TADA1: variants seen among roughly 807,000 people sequenced by gnomAD.
TADA1 encodes transcriptional adaptor 1, also known as transcriptional adapter 1.
A neutral mutation model predicts 39.3 loss-of-function variants in TADA1; 23 were observed. The ratio of observed to expected loss-of-function variants is 0.58; its 90% CI spans 0.42 to 0.83. The LOEUF (loss-of-function observed/expected upper bound fraction) is 0.83, where lower values mean the gene tolerates loss of function less well. Among genes scored for constraint, TADA1 ranks in the 40% least tolerant of loss-of-function variants. The pLI, the probability that TADA1 is intolerant of heterozygous loss-of-function variation, is 0.00. For synonymous variants in TADA1, 137 were observed against 151.8 expected (o/e 0.90, Z 0.72); for missense variants, 352 against 408.1 (o/e 0.86, Z 1.18).
chr1:166,869,942 T>A, intron 1 of TADA1, 88 bp from the exon 2 acceptor site: 1 of 1,121,206 alleles, frequency 8.9e-7, no homozygotes, highest in Non-Finnish European at 1.3e-6. Flanking sequence ...GAGACGGGGT[T>A]TTTTATTCTG....
chr1:166,874,900 T>C (rs939437971), intron 1 of TADA1, among the ~76,000 whole-genome samples: 1 of 152,268 alleles, frequency 6.6e-6, no homozygotes, highest in Non-Finnish European at 1.5e-5. Flanking sequence ...TCCATTATTA[T>C]CTTGTTAGGA....
intron 2 of TADA1, 24 bp from the exon 3 acceptor site, chr1:166,869,534 A>G (rs765231652): frequency 1.1e-5 from 17 of 1,609,824 alleles, no homozygotes; most frequent in Non-Finnish European, 1.4e-5. Flanking sequence ...GATAGTGACA[A>G]TCAAATTCAA....
At chr1:166,869,987 C>T (rs1658622782) in intron 1 of TADA1, 133 bp from the exon 2 acceptor site, 2 of 683,088 alleles carry the variant, frequency 2.9e-6, no homozygotes, top group Non-Finnish European at 5.0e-6. Flanking sequence ...ACAATCAGAG[C>T]TCTGAACTTC....
intron 3 of TADA1, among the ~76,000 whole-genome samples, chr1:166,866,959 G>A (rs935574339): frequency 6.6e-6 from 1 of 152,062 alleles, no homozygotes; most frequent in African/African-American, 2.4e-5. Flanking sequence ...TGGCCAGGCT[G>A]GTCTTGAACT....
chr1:166,858,441 TA>T (rs966093943), intron 6 of TADA1, among the ~76,000 whole-genome samples, 160 bp from the exon 7 acceptor site: 21 of 152,358 alleles, frequency 1.4e-4, no homozygotes, highest in Middle Eastern at 6.8e-3. Context: ...TTTTAATTTT[TA>T]AAGGCTGGAA....
At chr1:166,869,952 G>A in intron 1 of TADA1, 98 bp from the exon 2 acceptor site, 1 of 1,009,434 alleles carries the variant, frequency 9.9e-7, no homozygotes, top group Non-Finnish European at 1.5e-6. Flanking sequence ...TTTTTATTCT[G>A]TCACTCAGGC....
At chr1:166,868,306 C>T (rs1658578998) in intron 3 of TADA1, among the ~76,000 whole-genome samples, 1 of 152,192 alleles carries the variant, frequency 6.6e-6, no homozygotes, top group African/African-American at 2.4e-5. Flanking sequence ...GCTACTATCC[C>T]CTACCTCTTG....
chr1:166,861,884 AT>A (rs1298340336), intron 5 of TADA1, among the ~76,000 whole-genome samples: 1 of 151,922 alleles, frequency 6.6e-6, no homozygotes, highest in Non-Finnish European at 1.5e-5. Context: ...AGAGACCCCC[AT>A]CCCTAAAAAA....
intron 3 of TADA1, among the ~76,000 whole-genome samples, chr1:166,865,819 C>CA (rs943466929): frequency 2.7e-4 from 32 of 120,580 alleles, no homozygotes; most frequent in Admixed American, 1.4e-3. Flanking sequence ...ACTCCGCCTC[C>CA]AAAAAAAAAA....
intron 3 of TADA1, among the ~76,000 whole-genome samples, chr1:166,868,218 T>C (rs962417652): frequency 2.6e-5 from 4 of 152,192 alleles, no homozygotes; most frequent in Non-Finnish European, 5.9e-5. Flanking sequence ...AATAAGATGG[T>C]TGAGAGAGGT....
intron 1 of TADA1, among the ~76,000 whole-genome samples, chr1:166,871,998 A>G (rs147632580): frequency 2.0e-5 from 3 of 152,284 alleles, no homozygotes; most frequent in African/African-American, 4.8e-5. Flanking sequence ...AACGCAAACT[A>G]TTTTCTCCAG....
At position 166,862,284 on chromosome 1, in the gene TADA1, C is replaced by T. The variant is rs372740214; in HGVS notation, c.459G>A (p.Gly153=). 6.2e-7 allele frequency: 1 copy of T among 1,614,142 alleles called. No individual in the cohort carries two copies. The highest frequency in any genetic ancestry group is 1.3e-5 in the African/African-American group (1 of 75,042). The change falls in exon 5 of 8, where the codon GGG becomes GGA. Residue 153 remains glycine (G), a synonymous_variant. Transcript: ENST00000367874. ...GCTCATAAGCAGTCACTATCATTCTCCCTTCAAGCTGGCCTCGAGTGGGAA... is the reference window on the plus strand; with the variant it reads ...GCTCATAAGCAGTCACTATCATTCTTCCTTCAAGCTGGCCTCGAGTGGGAA... ...MMLPTRGQLE[G]RMIVTAYEHG...
intron 5 of TADA1, among the ~76,000 whole-genome samples, chr1:166,860,842 T>C (rs1239820487): frequency 1.3e-5 from 2 of 152,138 alleles, no homozygotes; most frequent in Non-Finnish European, 2.9e-5. Flanking sequence ...GCTAATTTTT[T>C]ATTTTTAGTA....
chr1:166,859,964 C>T (rs1392287602), intron 6 of TADA1, among the ~76,000 whole-genome samples: 6 of 152,154 alleles, frequency 3.9e-5, no homozygotes, highest in African/African-American at 1.2e-4. Context: ...ACATTAAACC[C>T]GCATGCAGAA....
intron 1 of TADA1, among the ~76,000 whole-genome samples, chr1:166,875,477 G>A (rs1167721850): frequency 6.6e-6 from 1 of 152,150 alleles, no homozygotes; most frequent in Non-Finnish European, 1.5e-5. Context: ...CTTTTGAAGA[G>A]TTACTTGTCC....
Position 166,860,246 on chromosome 1 carries a change from T to A in TADA1, c.632A>T (p.Asn211Ile). ...DGHFKYAFGS[N>I]VTPQPYLKNS... ...CTTCAGGTATGGCTGCGGGGTCACG[T>A]TACTGCCAAAGGCATATTTAAAATG... Residue 211 changes from asparagine to isoleucine, a missense_variant, in exon 6 of 8, where the codon AAC (asparagine) becomes ATC (isoleucine). By Grantham distance (149) the Asn-to-Ile change is moderately radical (BLOSUM62 -3). Coordinates refer to ENST00000367874, the MANE Select transcript of TADA1 (RefSeq NM_053053.4). 1.2e-6 allele frequency: 2 copies of A among 1,614,142 alleles called. No homozygotes were observed. The highest frequency in any genetic ancestry group is 1.7e-6 in the Non-Finnish European group (2 of 1,180,002).
intron 3 of TADA1, 65 bp downstream of exon 3, chr1:166,869,380 T>C: frequency 2.9e-6 from 4 of 1,376,958 alleles, no homozygotes; most frequent in Non-Finnish European, 4.1e-6. Flanking sequence ...CTGTGTCTAT[T>C]AGAGAAAGCT....
intron 6 of TADA1, among the ~76,000 whole-genome samples, 159 bp from the exon 7 acceptor site, chr1:166,858,440 T>A (rs1658333736): frequency 6.6e-6 from 1 of 152,234 alleles, no homozygotes; most frequent in African/African-American, 2.4e-5. Context: ...ATTTTAATTT[T>A]TAAAGGCTGG....
At chr1:166,862,797 G>A in intron 4 of TADA1, 2 of 210,554 alleles carry the variant, frequency 9.5e-6, no homozygotes, top group Admixed American at 5.3e-5. Context: ...AACATATAAT[G>A]AATGATTCAA....
Sources: allele counts gnomAD v4.1 joint callset (sites outside exome capture counted in the v4.1 genomes callset), GRCh38; gene constraint gnomAD v4.1.1; transcripts MANE v1.5; gene names NCBI Gene and HGNC (gene_info 2026-07-23, HGNC 2026-07-21).